SLC38A8: variants seen among roughly 807,000 people sequenced by gnomAD.
SLC38A8 encodes the protein amino acid transporter SLC38A8.
Under a neutral mutation model 46.0 loss-of-function variants are expected in SLC38A8, and 65 were observed. The ratio of observed to expected loss-of-function variants is 1.41; its 90% CI spans 1.16 to 1.74. The LOEUF is 1.74. Ranked by LOEUF, SLC38A8 falls within the 40% of genes most tolerant of loss-of-function variation. The pLI, the probability that SLC38A8 is intolerant of heterozygous loss-of-function variation, is 0.00. For synonymous variants in SLC38A8, 447 were observed against 243.7 expected (o/e 1.83, Z -7.77); for missense variants, 998 against 567.9 (o/e 1.76, Z -7.70).
chr16:84,018,831 G>A (rs1597254987), intron 7 of SLC38A8, among the ~76,000 whole-genome samples: 1 of 152,128 alleles, frequency 6.6e-6, no homozygotes, highest in African/African-American at 2.4e-5. Flanking sequence ...GATCTGGTCG[G>A]GGCAGTGAAT....
At chr16:84,032,549 A>C (rs910619663) in intron 4 of SLC38A8, among the ~76,000 whole-genome samples, 1 of 152,122 alleles carries the variant, frequency 6.6e-6, no homozygotes, top group African/African-American at 2.4e-5. Context: ...TTTCCTTCCC[A>C]CCAGCAAAAG....
intron 3 of SLC38A8, among the ~76,000 whole-genome samples, chr16:84,034,542 G>A (rs2085280543): frequency 6.6e-6 from 1 of 152,220 alleles, no homozygotes; most frequent in African/African-American, 2.4e-5. Context: ...GGGAGGCCGA[G>A]GAGCTTGAGA....
intron 6 of SLC38A8, among the ~76,000 whole-genome samples, chr16:84,024,823 G>A (rs187875040): frequency 9.5e-4 from 145 of 152,212 alleles, no homozygotes; most frequent in Non-Finnish European, 1.7e-3. Context: ...CCGAGTAGCT[G>A]GGATTACAGG....
At chr16:84,025,037 G>A (rs182113481) in intron 6 of SLC38A8, among the ~76,000 whole-genome samples, 12 of 152,274 alleles carry the variant, frequency 7.9e-5, no homozygotes, top group East Asian at 5.8e-4. Flanking sequence ...CATGAGTCAT[G>A]TGAATTCATT....
intron 7 of SLC38A8, among the ~76,000 whole-genome samples, chr16:84,018,478 C>A (rs554096631): frequency 6.6e-6 from 1 of 152,074 alleles, no homozygotes; most frequent in Non-Finnish European, 1.5e-5. Context: ...CCTGGCCTCC[C>A]AAAGTGCTGG....
chr16:84,037,479 G>A (rs559485921), intron 2 of SLC38A8, among the ~76,000 whole-genome samples: 23 of 152,308 alleles, frequency 1.5e-4, no homozygotes, highest in South Asian at 1.0e-3. Flanking sequence ...ATGGTGTTCC[G>A]GCTGGGCACA....
chr16:84,026,341 T>A (rs1241380285), intron 6 of SLC38A8, among the ~76,000 whole-genome samples: 1 of 152,180 alleles, frequency 6.6e-6, no homozygotes, highest in African/African-American at 2.4e-5. Flanking sequence ...GGGATTCTGA[T>A]TCAGCCTCCC....
Position 84,013,003 on chromosome 16 carries a change from G to T in SLC38A8, c.1212C>A (p.Val404=). ...AMGVEPIGPR[V]KCCLEVWGVV... ...CACCTCATCTTAGGGACACTTACTT[G>T]ACTCTTGGTCCTATAGGCTCGACAC... The change falls in exon 10 of 11, where the codon GTC becomes GTA. Residue 404 remains valine (V), a splice_region_variant and synonymous_variant. Transcript: ENST00000299709. The T allele has an allele frequency of 6.2e-7, 1 of 1,614,120 alleles. No homozygotes were observed. Among genetic ancestry groups the T allele is most frequent in the Non-Finnish European group, 8.5e-7 (1 of 1,179,964 alleles).
chr16:84,033,356 G>C lies in SLC38A8; in HGVS notation c.502C>G (p.Arg168Gly). Residue 168 changes from arginine (R) to glycine (G), a missense_variant, in exon 4 of 11, where the codon CGG becomes GGG. Transcript: ENST00000299709. ...VLVILPLSAP[R>G]EIAFQKYTSI... is the part of the protein sequence containing the mutation. ...GTGTATTTCTGGAAGGCGATCTCCC[G>C]CGGGGCAGACAGGGGCAGGATGACC... 1.2e-6 allele frequency: 2 copies of C among 1,614,076 alleles called. No homozygotes were observed. The highest frequency in any genetic ancestry group is 8.5e-7 in the Non-Finnish European group (1 of 1,180,006).
intron 9 of SLC38A8, among the ~76,000 whole-genome samples, chr16:84,016,132 G>C (rs1315521918): frequency 6.6e-6 from 1 of 152,070 alleles, no homozygotes; most frequent in Non-Finnish European, 1.5e-5. Flanking sequence ...TGGGGGGCGG[G>C]GGGGGACCCC....
upstream of SLC38A8, among the ~76,000 whole-genome samples, chr16:84,043,192 C>T (rs901011169): frequency 3.9e-5 from 6 of 152,298 alleles, no homozygotes; most frequent in East Asian, 1.9e-4. Context: ...GCTTGTTGAA[C>T]GCTTGGGGGA....
At chr16:84,016,988 T>A (rs890784512) in intron 8 of SLC38A8, 152 bp downstream of exon 8, 4 of 1,181,664 alleles carry the variant, frequency 3.4e-6, no homozygotes, top group South Asian at 1.6e-5. Context: ...CTTTGGGCAA[T>A]CTACCTAAAT....
chr16:84,027,618 G>C (rs945881089), intron 6 of SLC38A8, among the ~76,000 whole-genome samples: 2 of 152,064 alleles, frequency 1.3e-5, no homozygotes, highest in Admixed American at 6.6e-5. Flanking sequence ...AGCACCTTCA[G>C]TTACATTTAT....
chr16:84,020,312 T>C (rs1474134424), intron 7 of SLC38A8, among the ~76,000 whole-genome samples: 1 of 152,140 alleles, frequency 6.6e-6, no homozygotes, highest in African/African-American at 2.4e-5. Context: ...TTCTGCTCAT[T>C]TAAAAAATGT....
intron 9 of SLC38A8, among the ~76,000 whole-genome samples, chr16:84,013,414 TTGTGTG>T (rs201988638): frequency 2.3e-5 from 3 of 130,892 alleles, no homozygotes; most frequent in African/African-American, 1.1e-4. Context: ...CTTTCTTTTG[TTGTGTG>T]TGTGTTTTTT....
At chr16:84,010,790 G>T (rs1054327240) in intron 10 of SLC38A8, among the ~76,000 whole-genome samples, 3 of 152,052 alleles carry the variant, frequency 2.0e-5, no homozygotes, top group East Asian at 1.9e-4. Context: ...ACTTTGAAAA[G>T]TCCCCCCACC....
rs1408475630 is a variant in SLC38A8 at position 84,042,090 on chromosome 16, G to A, written c.68C>T (p.Thr23Ile). The A allele has an allele frequency of 1.9e-6, 3 of 1,614,108 alleles. No homozygotes were observed. Among genetic ancestry groups the A allele is most frequent in the East Asian group, 2.2e-5 (1 of 44,884 alleles). The change falls in exon 2 of 11, where the codon ACT (threonine) becomes ATT (isoleucine). Residue 23 changes from threonine (T) to isoleucine (I), a missense_variant. By Grantham distance (89) the Thr-to-Ile change is moderately conservative (BLOSUM62 -1). Coordinates refer to ENST00000299709, the MANE Select transcript of SLC38A8 (RefSeq NM_001080442.3). The stretch of plus-strand genomic sequence containing the variant: ...GAAGACAGCGCCCATCGAGGACAGA[G>A]TGGCAGCAGCCGTGGCAGGGTGAGG... Reference protein sequence around the residue: ...EKPHPATAAATLSSMGAVFIL... With the variant: ...EKPHPATAAAILSSMGAVFIL...
chr16:84,010,973 G>A (rs1358534175), intron 10 of SLC38A8, among the ~76,000 whole-genome samples: 1 of 152,156 alleles, frequency 6.6e-6, no homozygotes, highest in African/African-American at 2.4e-5. Context: ...TGTAACCAGA[G>A]ATGGGGTAGA....
rs188263160 is a variant in SLC38A8, at chr16:84,016,036, T to A, written c.1162+483A>T. On this transcript the variant is annotated intron_variant, in intron 9 of 10. Coordinates refer to ENST00000299709, the MANE Select transcript of SLC38A8 (RefSeq NM_001080442.3). ...TAATGGACTCACAGTTCCACATGGCTGAGGAGGCCTCACAATCATGGCAAA... is the reference window on the plus strand; with the variant it reads ...TAATGGACTCACAGTTCCACATGGCAGAGGAGGCCTCACAATCATGGCAAA... Among the ~76,000 whole-genome samples the A allele has an allele frequency of 4.7e-5, 7 of 149,688 alleles. No individual in the cohort carries two copies. The East Asian group carries it at 1.4e-3, about 29-fold the overall frequency.
Sources: gnomAD v4.1 joint callset for allele counts (sites outside exome capture counted in the v4.1 genomes callset) on GRCh38, gnomAD v4.1.1 for gene constraint, MANE v1.5 for transcripts, NCBI Gene and HGNC (gene_info 2026-07-23, HGNC 2026-07-21) for gene names.